LRRC4C: variants seen among roughly 807,000 people sequenced by gnomAD.
LRRC4C encodes the protein leucine-rich repeat-containing protein 4C.
In LRRC4C, 5 loss-of-function variants were observed where a neutral mutation model predicts 33.6. The ratio of observed to expected loss-of-function variants is 0.15; its 90% CI spans 0.08 to 0.31. The LOEUF is 0.31. Among genes scored for constraint, LRRC4C ranks in the 10% least tolerant of loss-of-function variants. LRRC4C has a pLI of 1.00. For synonymous variants in LRRC4C, 329 were observed against 302.0 expected, an observed-to-expected ratio of 1.09 and a Z score of -0.93; for missense variants, 560 against 796.7, an observed-to-expected ratio of 0.70 and a Z score of 3.58.
chr11:41,032,669 T>C (rs1856798505), intron 1 of LRRC4C, among the ~76,000 whole-genome samples: 1 of 151,966 alleles, frequency 6.6e-6, no homozygotes, highest in East Asian at 1.9e-4. Context: ...AACCCAGTTA[T>C]TATTATTCAA....
chr11:41,299,894 A>T (rs1253002391), intron 1 of LRRC4C, among the ~76,000 whole-genome samples: 1 of 152,156 alleles, frequency 6.6e-6, no homozygotes, highest in Non-Finnish European at 1.5e-5. Context: ...GACCAAAATA[A>T]ACAAACTGAT....
intron 2 of LRRC4C, among the ~76,000 whole-genome samples, chr11:40,759,945 CAAACA>C (rs1229297906): frequency 1.6e-5 from 2 of 123,412 alleles, no homozygotes; most frequent in Non-Finnish European, 3.4e-5. Context: ...TTCAAACAAA[CAAACA>C]AACAACAACA....
intron 2 of LRRC4C, among the ~76,000 whole-genome samples, chr11:40,822,375 T>C (rs1412117579): frequency 6.6e-6 from 1 of 151,626 alleles, no homozygotes; most frequent in Non-Finnish European, 1.5e-5. Flanking sequence ...TATTCCATTA[T>C]ATGTATAAAC....
Position 40,700,703 on chromosome 11 carries a change from C to T in LRRC4C, c.-406-52425G>A, listed in dbSNP as rs116209196. Among the ~76,000 whole-genome samples the T allele has an allele frequency of 7.7e-3, 1,179 of 152,266 alleles. 23 individuals are homozygous for T. The highest frequency in any genetic ancestry group is 0.027 in the African/African-American group (1,101 of 41,546). On this transcript the variant is annotated intron_variant, in intron 2 of 6. Transcript: ENST00000528697. ...TCAGGGTCCAGAGTGCTCACCATTA[C>T]ACCATGGAACCTCATACAAATGCAC...
At chr11:40,864,512 A>G (rs1284257745) in intron 2 of LRRC4C, among the ~76,000 whole-genome samples, 3 of 152,214 alleles carry the variant, frequency 2.0e-5, no homozygotes, top group African/African-American at 7.2e-5. Flanking sequence ...GGCACTTGAC[A>G]CGTAAAATAT....
intron 5 of LRRC4C, among the ~76,000 whole-genome samples, chr11:40,233,054 TC>T (rs1429239002): frequency 2.0e-5 from 3 of 152,250 alleles, no homozygotes; most frequent in Non-Finnish European, 4.4e-5. Context: ...TTTTTGTTTT[TC>T]AGTCTTTAGC....
intron 1 of LRRC4C, among the ~76,000 whole-genome samples, chr11:40,940,680 A>G (rs559515299): frequency 6.6e-6 from 1 of 152,280 alleles, no homozygotes; most frequent in African/African-American, 2.4e-5. Flanking sequence ...AGAACAGGCT[A>G]CAAAGTTCTT....
chr11:41,202,077 G>A (rs1184503859), intron 1 of LRRC4C, among the ~76,000 whole-genome samples: 1 of 152,078 alleles, frequency 6.6e-6, no homozygotes, highest in African/African-American at 2.4e-5. Flanking sequence ...CCCACCTCCA[G>A]AACTTATTGA....
At chr11:41,149,696 A>G (rs937073668) in intron 1 of LRRC4C, among the ~76,000 whole-genome samples, 2 of 151,918 alleles carry the variant, frequency 1.3e-5, no homozygotes, top group African/African-American at 4.8e-5. Flanking sequence ...ATTTGTCCTT[A>G]CTCTGCATGG....
Position 40,393,311 on chromosome 11 carries a change from T to C in LRRC4C, c.-269-73590A>G, listed in dbSNP as rs963958477. Among the ~76,000 whole-genome samples, 5 of 152,296 alleles carry C rather than the reference T, an allele frequency of 3.3e-5. No homozygotes were observed. The East Asian group carries it at 7.7e-4, about 24-fold the overall frequency. On this transcript the variant is annotated intron_variant, in intron 3 of 6. Transcript: ENST00000528697. The stretch of plus-strand genomic sequence containing the variant: ...CTAATGCTTTCATTACAAATCATTT[T>C]AGATAAGATTTAGGTAGTTAATTCA...
chr11:40,262,076 A>G (rs1239477416), intron 4 of LRRC4C, among the ~76,000 whole-genome samples: 1 of 152,190 alleles, frequency 6.6e-6, no homozygotes, highest in East Asian at 1.9e-4. Flanking sequence ...TTTGCAATCT[A>G]TCCATCTGAC....
At position 40,718,615 on chromosome 11, in the gene LRRC4C, A is replaced by G. The variant is rs373997872; in HGVS notation, c.-406-70337T>C. On this transcript the variant is annotated intron_variant, in intron 2 of 6. Transcript: ENST00000528697. ...CTAAGTAAACTACAAGTCAAATAGC[A>G]CCAAAAATAATATGTTACTGCATAA... 6.6e-5 allele frequency among the ~76,000 whole-genome samples: 10 copies of G among 152,300 alleles called. No individual in the cohort carries two copies. In the East Asian group the frequency reaches 1.2e-3, roughly 18 times the overall value.
At chr11:40,167,366 T>C (rs1446184437) in intron 5 of LRRC4C, among the ~76,000 whole-genome samples, 1 of 152,188 alleles carries the variant, frequency 6.6e-6, no homozygotes, top group Non-Finnish European at 1.5e-5. Context: ...GGGATGAAGA[T>C]AGTAATTAAT....
chr11:40,705,394 C>T (rs963480629), intron 2 of LRRC4C, among the ~76,000 whole-genome samples: 1 of 151,850 alleles, frequency 6.6e-6, no homozygotes, highest in South Asian at 2.1e-4. Context: ...GTGTGATGTT[C>T]CCCGCCCTGT....
chr11:40,588,897 G>A (rs941506745), intron 3 of LRRC4C, among the ~76,000 whole-genome samples: 2 of 151,976 alleles, frequency 1.3e-5, no homozygotes, highest in East Asian at 1.9e-4. Context: ...TTACTTCCAA[G>A]TATGTGGTCA....
intron 2 of LRRC4C, among the ~76,000 whole-genome samples, chr11:40,677,935 A>G (rs1025072514): frequency 1.3e-5 from 2 of 152,126 alleles, no homozygotes; most frequent in African/African-American, 4.8e-5. Flanking sequence ...AAGGCACATA[A>G]ACCAGGAATG....
At chr11:40,906,708 CTG>C (rs1043024394) in intron 2 of LRRC4C, among the ~76,000 whole-genome samples, 27 of 149,542 alleles carry the variant, frequency 1.8e-4, no homozygotes, top group African/African-American at 5.9e-4. Context: ...CTCTCTCTCT[CTG>C]TGTGTGTGTG....
At chr11:41,056,648 A>G (rs1310553769) in intron 1 of LRRC4C, among the ~76,000 whole-genome samples, 1 of 152,234 alleles carries the variant, frequency 6.6e-6, no homozygotes, top group Non-Finnish European at 1.5e-5. Flanking sequence ...TGGTCAACAA[A>G]CATGTAAAAA....
At chr11:41,092,501 C>T (rs1267565701) in intron 1 of LRRC4C, among the ~76,000 whole-genome samples, 1 of 152,092 alleles carries the variant, frequency 6.6e-6, no homozygotes, top group Admixed American at 6.6e-5. Flanking sequence ...CTAATTGCAT[C>T]AAAAGGCTAT....
Sources: gnomAD v4.1 joint callset for allele counts (sites outside exome capture counted in the v4.1 genomes callset) on GRCh38, gnomAD v4.1.1 for gene constraint, MANE v1.5 for transcripts, NCBI Gene and HGNC (gene_info 2026-07-23, HGNC 2026-07-21) for gene names.